The following MAPKAPK3 variants were observed in gnomAD, a reference collection of about 807,000 sequenced individuals.
MAPKAPK3 encodes the protein MAPK activated protein kinase 3.
Under a neutral mutation model 49.2 loss-of-function variants are expected in MAPKAPK3, and 35 were observed. The ratio of observed to expected loss-of-function variants is 0.71; its 90% CI spans 0.54 to 0.94. The LOEUF is 0.94. Among genes scored for constraint, MAPKAPK3 ranks in the 40% least tolerant of loss-of-function variants. The pLI is 0.00. For synonymous variants in MAPKAPK3, 178 were observed against 188.7 expected, an observed-to-expected ratio of 0.94 and a Z score of 0.46; for missense variants, 398 against 493.1, an observed-to-expected ratio of 0.81 and a Z score of 1.83.
In MAPKAPK3 at chr3:50,644,399, T is replaced by C. The variant is rs2107600244; in HGVS notation, c.505-10T>C. On this transcript the variant is annotated splice_polypyrimidine_tract_variant and intron_variant, in intron 5 of 10. Coordinates refer to ENST00000621469, the MANE Select transcript of MAPKAPK3 (RefSeq NM_001243925.2). ...TAACTCCAAACCAATGTTTTCTCTT[T>C]CTGGCCCAGCCTGAAAACCTACTCT... 6.2e-7 allele frequency: 1 copy of C among 1,614,054 alleles called. No individual in the cohort carries two copies.
chr3:50,647,057 T>TG lies in MAPKAPK3; in HGVS notation c.916-66_916-65insG, dbSNP rs2033316998. On this transcript the variant is annotated intron_variant, in intron 9 of 10. Transcript: ENST00000621469. The stretch of plus-strand genomic sequence containing the variant: ...CTGAGTCTGGGAGAAGAGGATGGAG[T>TG]AGGGGGAACCAGTGCTGTCCCAGGT... 5.2e-6 allele frequency: 7 copies of TG among 1,348,056 alleles called. No homozygotes were observed. In the Admixed American group the frequency reaches 6.0e-5, roughly 12 times the overall value. 83.5% of individuals were successfully genotyped at this position (1,348,056 alleles called of 1,614,324 possible).
chr3:50,616,068 A>T (rs1575991810), upstream of MAPKAPK3, among the ~76,000 whole-genome samples: 1 of 152,156 alleles, frequency 6.6e-6, no homozygotes. Context: ...CTCTGAGTGG[A>T]ACCGAGGTCC....
intron 2 of MAPKAPK3, among the ~76,000 whole-genome samples, chr3:50,631,025 G>A (rs974893586): frequency 2.6e-5 from 4 of 152,206 alleles, no homozygotes; most frequent in African/African-American, 9.7e-5. Context: ...GGTATCATGT[G>A]AGCCGCCCTC....
At chr3:50,611,746 C>A, upstream of MAPKAPK3, 1 of 1,386,188 alleles carries the variant, frequency 7.2e-7, no homozygotes, top group Non-Finnish European at 9.3e-7. Flanking sequence ...GGGTAGGCTC[C>A]CGGGGCGCGC....
chr3:50,616,203 T>TG (rs1296249342), upstream of MAPKAPK3, among the ~76,000 whole-genome samples: 2 of 152,110 alleles, frequency 1.3e-5, no homozygotes, highest in Non-Finnish European at 2.9e-5. Flanking sequence ...GCTTCCGGAT[T>TG]GGGGGAGTGA....
At chr3:50,641,986 G>A (rs1280026975) in intron 4 of MAPKAPK3, among the ~76,000 whole-genome samples, 1 of 152,192 alleles carries the variant, frequency 6.6e-6, no homozygotes, top group Non-Finnish European at 1.5e-5. Flanking sequence ...AGGCCTCAAA[G>A]CCTCTTGATG....
chr3:50,646,702 CAA>C, intron 8 of MAPKAPK3, 36 bp from the exon 9 acceptor site: 5 of 1,493,286 alleles, frequency 3.3e-6, no homozygotes, highest in Non-Finnish European at 4.7e-6. Context: ...GCTGGCTCTG[CAA>C]TCTCATCTCT....
chr3:50,634,974 G>C (rs2032999727), intron 2 of MAPKAPK3, among the ~76,000 whole-genome samples: 1 of 152,202 alleles, frequency 6.6e-6, no homozygotes, highest in Non-Finnish European at 1.5e-5. Context: ...CGCCTGTCTA[G>C]AAGTCTGCCT....
Position 50,648,847 on chromosome 3 carries a change from C to T in MAPKAPK3, c.*801C>T, listed in dbSNP as rs555432573. Reference sequence around the variant, plus strand: ...CTGTGACAAAAGCCAGCATACTTTCCCTGCACCCATCTGCTCACCAGATCT... The same window carrying T: ...CTGTGACAAAAGCCAGCATACTTTCTCTGCACCCATCTGCTCACCAGATCT... On this transcript the variant is annotated 3_prime_UTR_variant, in exon 11 of 11. Transcript: ENST00000621469. 1.2e-4 allele frequency: 18 copies of T among 152,378 alleles called. No homozygotes were observed. The highest frequency in any genetic ancestry group is 4.1e-4 in the African/African-American group (17 of 41,584). The allele number at this position is 152,378 out of a possible 1,614,324, so 9.4% of individuals were successfully genotyped here. A position where few individuals can be genotyped will look rare whatever the true frequency, so the allele number is the denominator to read the frequency against.
Position 50,642,266 on chromosome 3 carries a change from A to G in MAPKAPK3, c.438A>G (p.Ile146Met). Residue 146 changes from isoleucine (I) to methionine (M), a missense_variant, in exon 5 of 11, where the codon ATA (isoleucine) becomes ATG (methionine). Coordinates refer to ENST00000621469, the MANE Select transcript of MAPKAPK3 (RefSeq NM_001243925.2). Reference sequence around the variant, plus strand: ...CTGTTTCTGCAGAAGCTGCAGAGATAATGCGGGATATTGGCACTGCCATCC... The same window carrying G: ...CTGTTTCTGCAGAAGCTGCAGAGATGATGCGGGATATTGGCACTGCCATCC... ...QAFTEREAAEIMRDIGTAIQF... is the reference protein window; with the variant it reads ...QAFTEREAAEMMRDIGTAIQF... The G allele has an allele frequency of 3.1e-6, 5 of 1,613,058 alleles. No homozygotes were observed. The highest frequency in any genetic ancestry group is 2.2e-5 in the East Asian group (1 of 44,862).
At chr3:50,641,609 C>A in intron 3 of MAPKAPK3, 98 bp from the exon 4 acceptor site, 1 of 935,768 alleles carries the variant, frequency 1.1e-6, no homozygotes, top group Non-Finnish European at 1.8e-6. Context: ...AGGAGCGGAG[C>A]AGCAGGGTCT....
chr3:50,642,154 T>A, intron 4 of MAPKAPK3, 99 bp from the exon 5 acceptor site: 1 of 807,016 alleles, frequency 1.2e-6, no homozygotes, highest in Non-Finnish European at 2.2e-6. Flanking sequence ...TGTCTTCTTG[T>A]CTTGTGCTGG....
At chr3:50,646,682 G>C in intron 8 of MAPKAPK3, 58 bp from the exon 9 acceptor site, 1 of 1,483,672 alleles carries the variant, frequency 6.7e-7, no homozygotes, top group Non-Finnish European at 9.4e-7. Context: ...CTGTGGGGAA[G>C]GGTGGAGGGG....
intron 6 of MAPKAPK3, among the ~76,000 whole-genome samples, chr3:50,645,156 T>C (rs769774700): frequency 6.6e-6 from 1 of 152,134 alleles, no homozygotes; most frequent in Non-Finnish European, 1.5e-5. Flanking sequence ...GGGTGGGAAG[T>C]TCCCTGAGAC....
chr3:50,611,755 G>C, upstream of MAPKAPK3: 1 of 1,372,850 alleles, frequency 7.3e-7, no homozygotes, highest in Non-Finnish European at 9.4e-7. Flanking sequence ...CCCGGGGCGC[G>C]CGGGCGCAGG....
upstream of MAPKAPK3, among the ~76,000 whole-genome samples, chr3:50,615,301 G>A (rs551473180): frequency 4.0e-5 from 5 of 126,362 alleles, no homozygotes; most frequent in African/African-American, 1.3e-4. Context: ...GGGTCCAGCT[G>A]GGCATAAATG....
chr3:50,643,432 A>T (rs943775845), intron 5 of MAPKAPK3, among the ~76,000 whole-genome samples: 1 of 152,168 alleles, frequency 6.6e-6, no homozygotes, highest in Admixed American at 6.5e-5. Flanking sequence ...GAGCACTATC[A>T]GAGCAGAGTC....
chr3:50,629,561 G>T (rs2032851770), intron 2 of MAPKAPK3, among the ~76,000 whole-genome samples: 1 of 152,160 alleles, frequency 6.6e-6, no homozygotes, highest in African/African-American at 2.4e-5. Flanking sequence ...GGCCTGTGAG[G>T]CTCAGAGAGG....
At chr3:50,611,864 C>T, upstream of MAPKAPK3, 4 of 582,488 alleles carry the variant, frequency 6.9e-6, no homozygotes, top group Non-Finnish European at 1.1e-5. Flanking sequence ...CCTTTGTCTG[C>T]CGCGTTCCAG....
Sources: gnomAD v4.1 joint callset for allele counts (sites outside exome capture counted in the v4.1 genomes callset) on GRCh38, gnomAD v4.1.1 for gene constraint, MANE v1.5 for transcripts, NCBI Gene and HGNC (gene_info 2026-07-23, HGNC 2026-07-21) for gene names.